Variants in USP24 observed in about 807,000 individuals in gnomAD.
USP24 encodes the protein ubiquitin carboxyl-terminal hydrolase 24.
Under a neutral mutation model 361.6 loss-of-function variants are expected in USP24, and 97 were observed. The ratio of observed to expected loss-of-function variants is 0.27; its 90% CI spans 0.23 to 0.32. USP24 has a LOEUF of 0.32. Among genes scored for constraint, USP24 ranks in the 10% least tolerant of loss-of-function variants. The pLI, the probability that USP24 is intolerant of heterozygous loss-of-function variation, is 1.00. For synonymous variants in USP24, 1,098 were observed against 1,124.6 expected (o/e 0.98, Z 0.47); for missense variants, 2,353 against 3,165.6 (o/e 0.74, Z 6.16).
At chr1:55,114,104 C>T (rs571814910) in intron 38 of USP24, among the ~76,000 whole-genome samples, 7 of 151,876 alleles carry the variant, frequency 4.6e-5, no homozygotes, top group South Asian at 2.1e-4. Flanking sequence ...TTCCTATACA[C>T]GAATAATAGA....
In USP24 at chr1:55,144,220, C is replaced by A. The variant is rs775785422; in HGVS notation, c.2363-17G>T. On this transcript the variant is annotated splice_polypyrimidine_tract_variant and intron_variant, in intron 20 of 67. Transcript: ENST00000294383. ...AGTTAAAACCTGTAATTATAGAATG[C>A]CAAATAAATTCATGTACTCTACGTA... 6 of 1,521,460 alleles carry A rather than the reference C, an allele frequency of 3.9e-6. No individual in the cohort carries two copies. The South Asian group carries it at 6.1e-5, about 15-fold the overall frequency. The allele number at this position is 1,521,460 out of a possible 1,614,324, so 94.2% of individuals were successfully genotyped here.
chr1:55,137,956 T>C, intron 26 of USP24, 52 bp from the exon 27 acceptor site: 2 of 1,510,970 alleles, frequency 1.3e-6, no homozygotes, highest in Non-Finnish European at 1.8e-6. Flanking sequence ...TTTATTCATT[T>C]AAACAACTGT....
chr1:55,191,066 A>G (rs941237308), intron 1 of USP24, among the ~76,000 whole-genome samples: 1 of 152,244 alleles, frequency 6.6e-6, no homozygotes, highest in African/African-American at 2.4e-5. Flanking sequence ...TAGGAGATGC[A>G]CAGCTCTGGC....
chr1:55,092,872 T>A lies in USP24; in HGVS notation c.6399A>T (p.Val2133=), dbSNP rs750102573. The change falls in exon 53 of 68, where the codon GTA becomes GTT. Residue 2133 remains valine (V), a synonymous_variant. Coordinates refer to ENST00000294383, the MANE Select transcript of USP24 (RefSeq NM_015306.3). The part of the protein sequence containing the change: ...ENLKFMKNRD[V]YSSDYFSFVL... ...CAAAACTGAAATAATCACTACTGTA[T>A]ACATCTCTATTCTTCATAAACTTGA... The A allele has an allele frequency of 6.3e-7, 1 of 1,597,678 alleles. No homozygotes were observed. Among genetic ancestry groups the A allele is most frequent in the Admixed American group, 1.8e-5 (1 of 56,646 alleles).
rs944751572 is a variant in USP24 at position 55,146,891 on chromosome 1, A to G, written c.2250+38T>C. 5.6e-6 allele frequency: 9 copies of G among 1,606,366 alleles called. No individual in the cohort carries two copies. In the South Asian group the frequency reaches 1.0e-4, roughly 18 times the overall value. On this transcript the variant is annotated intron_variant, in intron 19 of 67. Transcript: ENST00000294383. ...CACAGAAAAAGTGAAATATTTAAATATTTCTGCCTTACTTTATCCACAATA... is the reference window on the plus strand; with the variant it reads ...CACAGAAAAAGTGAAATATTTAAATGTTTCTGCCTTACTTTATCCACAATA...
At chr1:55,147,907 CAT>C in intron 17 of USP24, 109 bp from the exon 18 acceptor site, 1 of 1,153,084 alleles carries the variant, frequency 8.7e-7, no homozygotes, top group Non-Finnish European at 1.2e-6. Flanking sequence ...ACAAAGCAAA[CAT>C]AAGAATTTCC....
intron 32 of USP24, 88 bp downstream of exon 32, chr1:55,129,389 G>T: frequency 9.6e-7 from 1 of 1,038,366 alleles, no homozygotes; most frequent in Non-Finnish European, 1.4e-6. Context: ...ATACCTTGTA[G>T]GAATAAGCAA....
chr1:55,070,716 G>A (rs1264845549), intron 67 of USP24, among the ~76,000 whole-genome samples: 1 of 152,220 alleles, frequency 6.6e-6, no homozygotes, highest in Non-Finnish European at 1.5e-5. Flanking sequence ...CAGGGCAGAA[G>A]AGAGGCTTTG....
At chr1:55,088,842 G>A (rs1350889458) in intron 55 of USP24, among the ~76,000 whole-genome samples, 1 of 152,104 alleles carries the variant, frequency 6.6e-6, no homozygotes, top group East Asian at 1.9e-4. Flanking sequence ...CTGAATTTCT[G>A]CCAGAAAAGC....
chr1:55,083,493 G>A, intron 57 of USP24, 129 bp from the exon 58 acceptor site: 3 of 928,906 alleles, frequency 3.2e-6, no homozygotes, highest in Non-Finnish European at 4.7e-6. Context: ...CATATAGAAA[G>A]TACTTGTTAA....
chr1:55,159,077 A>T, intron 9 of USP24, 41 bp from the exon 10 acceptor site: 1 of 1,397,190 alleles, frequency 7.2e-7, no homozygotes, highest in Non-Finnish European at 9.4e-7. Flanking sequence ...AAGGAACTGT[A>T]AAAACATTTT....
chr1:55,155,433 T>A (rs1226620776), intron 12 of USP24, among the ~76,000 whole-genome samples: 3 of 152,184 alleles, frequency 2.0e-5, no homozygotes, highest in African/African-American at 7.2e-5. Context: ...GCACATAGAG[T>A]CATTCATTGA....
chr1:55,165,927 T>C lies in USP24; in HGVS notation c.885A>G (p.Ala295=), dbSNP rs751455588. 3 of 1,607,576 alleles carry C rather than the reference T, an allele frequency of 1.9e-6. No homozygotes were observed. The highest frequency in any genetic ancestry group is 1.1e-5 in the South Asian group (1 of 90,252). Residue 295 remains alanine, a synonymous_variant, in exon 7 of 68, where the codon GCA becomes GCG. Coordinates refer to ENST00000294383, the MANE Select transcript of USP24 (RefSeq NM_015306.3). ...VNKFGELGGF[A]AIQAKLHSED... ...CTGAATGGAGCTTGGCTTGGATTGCTGCAAATCCACCTAATTCTCCAAACT... is the reference window on the plus strand; with the variant it reads ...CTGAATGGAGCTTGGCTTGGATTGCCGCAAATCCACCTAATTCTCCAAACT...
rs751389379 is a variant in USP24 at position 55,146,132 on chromosome 1, C to A, written c.2251-23G>T. The A allele has an allele frequency of 3.9e-6, 6 of 1,552,708 alleles. No homozygotes were observed. In the South Asian group the frequency reaches 6.8e-5, roughly 18 times the overall value. The stretch of plus-strand genomic sequence containing the variant: ...CATCTGTGGAATAAGACGAATATCA[C>A]CCTATAACTAAGATCCATTTCAGGC... On this transcript the variant is annotated intron_variant, in intron 19 of 67. Coordinates refer to ENST00000294383, the MANE Select transcript of USP24 (RefSeq NM_015306.3).
intron 63 of USP24, among the ~76,000 whole-genome samples, chr1:55,075,180 GA>G (rs989109128): frequency 6.6e-6 from 1 of 151,952 alleles, no homozygotes; most frequent in Non-Finnish European, 1.5e-5. Context: ...TTAGCTTGTT[GA>G]AAAAAACTCA....
At position 55,159,003 on chromosome 1, in the gene USP24, C is replaced by T. The variant is rs371534645; in HGVS notation, c.1102G>A (p.Val368Ile). ...LVSIPELLSA[V>I]KLLCMRFQPD... is the part of the protein sequence containing the mutation. ...TGGAAGCGCATGCAAAGTAACTTAA[C>T]GGCAGACAAGAGCTCAGGGATGCTA... The change falls in exon 10 of 68, where the codon GTT becomes ATT. Residue 368 changes from valine to isoleucine, a missense_variant. By Grantham distance (29) the Val-to-Ile change is conservative. Around this residue, in one of 8 missense-constraint regions of USP24, gnomAD observed 386 missense variants for 560.5 expected, o/e 0.69. Coordinates refer to ENST00000294383, the MANE Select transcript of USP24 (RefSeq NM_015306.3). The T allele has an allele frequency of 1.5e-5, 23 of 1,576,718 alleles. No individual in the cohort carries two copies. The highest frequency in any genetic ancestry group is 1.7e-4 in the Middle Eastern group (1 of 5,958).
chr1:55,158,904 T>C lies in USP24; in HGVS notation c.1201A>G (p.Ser401Gly). 6.4e-7 allele frequency: 1 copy of C among 1,558,380 alleles called. No individual in the cohort carries two copies. The highest frequency in any genetic ancestry group is 8.7e-7 in the Non-Finnish European group (1 of 1,149,466). Residue 401 changes from serine (S) to glycine (G), a missense_variant, in exon 10 of 68, where the codon AGT becomes GGT. This residue lies in a region of USP24 where 386 missense variants were observed against 560.5 expected (regional missense o/e 0.69). Transcript: ENST00000294383. ...TCTTTGAGAGAATTCATCTTAGCAC[T>C]GAAATGTGGTGATTTCAGCATGCGC... ...LLRMLKSPHF[S>G]AKMNSLKEVT...
chr1:55,090,371 T>C (rs149798668), intron 54 of USP24, among the ~76,000 whole-genome samples: 2 of 152,274 alleles, frequency 1.3e-5, no homozygotes, highest in East Asian at 3.9e-4. Flanking sequence ...ACCAATCCTA[T>C]GCCAGGATAG....
chr1:55,119,775 T>G (rs1239842208), intron 38 of USP24, among the ~76,000 whole-genome samples: 1 of 152,164 alleles, frequency 6.6e-6, no homozygotes, highest in Non-Finnish European at 1.5e-5. Context: ...GTTTGGTGAT[T>G]GACTTTTGAC....
Sources: gnomAD v4.1 joint callset for allele counts (sites outside exome capture counted in the v4.1 genomes callset) on GRCh38, gnomAD v4.1.1 for gene constraint, gnomAD v4.1.1 regional missense constraint, MANE v1.5 for transcripts, NCBI Gene and HGNC (gene_info 2026-07-23, HGNC 2026-07-21) for gene names.